TMCO5A: variants seen among roughly 807,000 people sequenced by gnomAD.
TMCO5A encodes transmembrane and coiled-coil domain-containing protein 5A.
TMCO5A carries 34 observed loss-of-function variants against 42.3 expected under a neutral mutation model. That is an observed-to-expected ratio of 0.80 (90% CI 0.61 to 1.07). TMCO5A has a LOEUF of 1.07. Among genes scored for constraint, TMCO5A ranks in the 50% least tolerant of loss-of-function variants. TMCO5A has a pLI of 0.00. For synonymous variants in TMCO5A, 131 were observed against 115.6 expected (o/e 1.13, Z -0.86); for missense variants, 357 against 327.9 (o/e 1.09, Z -0.69).
At chr15:38,010,456 C>G in the TMCO5A span, among the ~76,000 whole-genome samples, 8 of 145,392 alleles carry the variant, frequency 5.5e-5, no homozygotes, top group African/African-American at 1.6e-4. Flanking sequence ...CACACACACA[C>G]AGGAAGGGGC....
At chr15:38,028,708 T>G in the TMCO5A span, among the ~76,000 whole-genome samples, 42,638 of 152,024 alleles carry the variant, frequency 0.28, 7,173 homozygotes, top group African/African-American at 0.47. Flanking sequence ...ACATGGAGTC[T>G]AGCATTAACA....
the TMCO5A span, among the ~76,000 whole-genome samples, chr15:38,028,705 G>A: frequency 6.3e-3 from 954 of 152,260 alleles, 6 homozygotes; most frequent in Middle Eastern, 0.027. Flanking sequence ...AGGACATGGA[G>A]TCTAGCATTA....
the TMCO5A span, among the ~76,000 whole-genome samples, chr15:37,976,515 C>A: frequency 1.3e-5 from 2 of 152,116 alleles, no homozygotes; most frequent in African/African-American, 4.8e-5. Flanking sequence ...AAGTTGCTTG[C>A]TTTCTCTCCC....
chr15:37,948,864 G>C (rs754637576), intron 11 of TMCO5A, among the ~76,000 whole-genome samples: 2 of 152,074 alleles, frequency 1.3e-5, no homozygotes, highest in Non-Finnish European at 2.9e-5. Flanking sequence ...TTCATGGAGA[G>C]TGGTGGGAAG....
chr15:37,948,318 T>C (rs947981822), intron 11 of TMCO5A, among the ~76,000 whole-genome samples: 5 of 152,110 alleles, frequency 3.3e-5, no homozygotes, highest in Non-Finnish European at 7.4e-5. Flanking sequence ...TTCAATATAA[T>C]CTGTTTAAGA....
At chr15:38,024,963 G>C in the TMCO5A span, 1 of 152,430 alleles carries the variant, frequency 6.6e-6, no homozygotes, top group Non-Finnish European at 1.5e-5. Context: ...CTGGCACCTT[G>C]ATCTTGGACT....
chr15:37,950,442 A>T (rs1462742379), intron 11 of TMCO5A, among the ~76,000 whole-genome samples: 1 of 152,170 alleles, frequency 6.6e-6, no homozygotes, highest in African/African-American at 2.4e-5. Flanking sequence ...ACATAACAAT[A>T]CACATAATGG....
chr15:38,011,575 C>G, the TMCO5A span, among the ~76,000 whole-genome samples: 1 of 152,098 alleles, frequency 6.6e-6, no homozygotes, highest in Admixed American at 6.6e-5. Context: ...TGACAGCTGC[C>G]CTGGCTCTTT....
At chr15:37,975,882 A>G in the TMCO5A span, among the ~76,000 whole-genome samples, 1 of 151,216 alleles carries the variant, frequency 6.6e-6, no homozygotes, top group East Asian at 1.9e-4. Flanking sequence ...TTCCATATTT[A>G]GCACTCCCTT....
the TMCO5A span, among the ~76,000 whole-genome samples, chr15:38,012,506 C>A: frequency 6.6e-6 from 1 of 151,990 alleles, no homozygotes; most frequent in African/African-American, 2.4e-5. Flanking sequence ...GTTGTCTCAA[C>A]TCCCAATAGG....
chr15:37,949,974 T>C (rs147480611), intron 11 of TMCO5A, among the ~76,000 whole-genome samples: 1 of 152,298 alleles, frequency 6.6e-6, no homozygotes, highest in African/African-American at 2.4e-5. Context: ...GCAAGCTTTT[T>C]CTGGTAGTTG....
At chr15:37,966,693 CCT>C in exon 12 of TMCO5A, 1 of 702,794 alleles carries the variant, frequency 1.4e-6, no homozygotes, top group Admixed American at 2.0e-5. Context: ...AGATTGGCAA[CCT>C]TTGCAGAATA....
chr15:37,938,045 G>C, intron 5 of TMCO5A, 113 bp from the exon 6 acceptor site: 1 of 843,326 alleles, frequency 1.2e-6, no homozygotes, highest in Non-Finnish European at 1.9e-6. Context: ...TCTACCAAAG[G>C]ACCATATCCT....
Position 37,941,680 on chromosome 15 carries a change from G to T in TMCO5A, c.454G>T (p.Glu152Ter). 7 of 1,610,066 alleles carry T rather than the reference G, an allele frequency of 4.3e-6. No individual in the cohort carries two copies. Among genetic ancestry groups the T allele is most frequent in the Non-Finnish European group, 5.9e-6 (7 of 1,176,810 alleles). Residue 152 changes from glutamate to a stop codon, truncating the protein, a stop_gained, in exon 8 of 12, where the codon GAG (glutamate) becomes TAG (stop). Coordinates refer to ENST00000319669, the MANE Select transcript of TMCO5A (RefSeq NM_152453.4). LOFTEE classifies it high-confidence loss of function. ...QEKELLKVMK[E>*]YAFVTQLCED... ...AATTTTGATTTCCTAGGTAATGAAG[G>T]AGTATGCATTTGTGACCCAGCTCTG...
At chr15:37,970,251 A>C (rs1409843379), downstream of TMCO5A, among the ~76,000 whole-genome samples, 2 of 152,204 alleles carry the variant, frequency 1.3e-5, no homozygotes, top group Admixed American at 6.5e-5. Context: ...TCACAATCAT[A>C]ATGGAAGGTG....
chr15:37,950,958 T>A, intron 11 of TMCO5A, 78 bp from the exon 12 acceptor site: 19 of 1,239,346 alleles, frequency 1.5e-5, no homozygotes, highest in Non-Finnish European at 2.2e-5. Context: ...GAGCCAGATA[T>A]GCATTCAGGT....
chr15:37,972,831 G>A, the TMCO5A span, among the ~76,000 whole-genome samples: 1 of 152,102 alleles, frequency 6.6e-6, no homozygotes, highest in Non-Finnish European at 1.5e-5. Flanking sequence ...GTTTTTGGCA[G>A]CTTCATCATG....
the TMCO5A span, among the ~76,000 whole-genome samples, chr15:38,033,459 A>T: frequency 1.3e-5 from 2 of 152,194 alleles, no homozygotes; most frequent in African/African-American, 4.8e-5. Flanking sequence ...CTAGAAACAT[A>T]TGAGAATTTG....
chr15:38,039,611 T>G, the TMCO5A span, among the ~76,000 whole-genome samples: 1 of 152,320 alleles, frequency 6.6e-6, no homozygotes, highest in East Asian at 1.9e-4. Flanking sequence ...CCCACAGGTA[T>G]AGATTACTCT....
Sources: allele counts gnomAD v4.1 joint callset (sites outside exome capture counted in the v4.1 genomes callset), GRCh38; gene constraint gnomAD v4.1.1; transcripts MANE v1.5; gene names NCBI Gene and HGNC (gene_info 2026-07-23, HGNC 2026-07-21).